Variants in NAMPT observed in about 807,000 individuals in gnomAD.
The protein encoded by NAMPT is NAmPRTase.
Under a neutral mutation model 58.7 loss-of-function variants are expected in NAMPT, and 7 were observed. That is an observed-to-expected ratio of 0.12 (90% confidence interval 0.07 to 0.22). The LOEUF (loss-of-function observed/expected upper bound fraction) is 0.22, where lower values mean the gene tolerates loss of function less well. NAMPT is among the 10% of genes least tolerant of loss of function. The pLI is 1.00. For synonymous variants in NAMPT, 145 were observed against 198.1 expected, an observed-to-expected ratio of 0.73 and a Z score of 2.25; for missense variants, 271 against 567.9, an observed-to-expected ratio of 0.48 and a Z score of 5.31.
intron 4 of NAMPT, among the ~76,000 whole-genome samples, chr7:106,271,172 C>T (rs908975160): frequency 1.3e-5 from 2 of 152,058 alleles, no homozygotes; most frequent in South Asian, 2.1e-4. Flanking sequence ...GGAGCTGATT[C>T]ATACAGAATT....
intron 4 of NAMPT, among the ~76,000 whole-genome samples, chr7:106,271,229 T>G (rs1054797890): frequency 5.9e-5 from 9 of 152,196 alleles, no homozygotes; most frequent in Admixed American, 2.0e-4. Context: ...CTTATACATT[T>G]TTCACTTTTA....
In NAMPT at chr7:106,249,038, A is replaced by G. The variant is rs758140406; in HGVS notation, c.*2045T>C. On this transcript the variant is annotated 3_prime_UTR_variant, in exon 11 of 11. Transcript: ENST00000222553. ...GAATACTGTCTGTACTATAATTTCA[A>G]TGTTTAAACACAAAATTATGGGTGA... The G allele has an allele frequency of 6.6e-6, 1 of 152,114 alleles. No individual in the cohort carries two copies. The highest frequency in any genetic ancestry group is 2.4e-5 in the African/African-American group (1 of 41,440). The allele number at this position is 152,114 out of a possible 1,614,324, so 9.4% of individuals were successfully genotyped here. A position where few individuals can be genotyped will look rare whatever the true frequency, so the allele number is the denominator to read the frequency against.
In NAMPT at chr7:106,273,473, A is replaced by T. The variant is rs1348115722; in HGVS notation, c.319-815T>A. Reference sequence around the variant, plus strand: ...TACAAGCACTGGAGGCACAGTGTATAGCAAAAAGAACATTGCCCTACAGGT... The same window carrying T: ...TACAAGCACTGGAGGCACAGTGTATTGCAAAAAGAACATTGCCCTACAGGT... On this transcript the variant is annotated intron_variant, in intron 3 of 10. Coordinates refer to ENST00000222553, the MANE Select transcript of NAMPT (RefSeq NM_005746.3). 2.0e-5 allele frequency among the ~76,000 whole-genome samples: 3 copies of T among 152,366 alleles called. No homozygotes were observed. In the East Asian group the frequency reaches 5.8e-4, roughly 29 times the overall value.
chr7:106,284,176 G>A (rs1433978893), intron 1 of NAMPT, among the ~76,000 whole-genome samples: 1 of 152,200 alleles, frequency 6.6e-6, no homozygotes, highest in African/African-American at 2.4e-5. Flanking sequence ...AGGAGCACGA[G>A]CAATCACTAG....
intron 2 of NAMPT, 95 bp downstream of exon 2, chr7:106,276,925 TGCA>T: frequency 1.1e-6 from 1 of 914,512 alleles, no homozygotes; most frequent in Non-Finnish European, 1.7e-6. Context: ...TATGATTTAA[TGCA>T]TCCAAATTAA....
chr7:106,259,626 C>T (rs1406702220), intron 8 of NAMPT, among the ~76,000 whole-genome samples: 1 of 152,040 alleles, frequency 6.6e-6, no homozygotes, highest in Non-Finnish European at 1.5e-5. Context: ...GGTTTCACCA[C>T]GTTGGCCAGG....
At position 106,254,530 on chromosome 7, in the gene NAMPT, C is replaced by A. The variant is rs200846683; in HGVS notation, c.1090-26G>T. The A allele has an allele frequency of 4.4e-4, 709 of 1,606,710 alleles. 1 individual carries two copies. The highest frequency in any genetic ancestry group is 3.7e-3 in the South Asian group (340 of 90,852). On this transcript the variant is annotated intron_variant, in intron 8 of 10. Coordinates refer to ENST00000222553, the MANE Select transcript of NAMPT (RefSeq NM_005746.3). ...CTAGAAGATTAAAACAAAACAAAAC[C>A]AAACCAAACCTTAATTTGGAAGAGA...
At chr7:106,262,396 C>T (rs1402479829) in intron 7 of NAMPT, among the ~76,000 whole-genome samples, 1 of 152,040 alleles carries the variant, frequency 6.6e-6, no homozygotes, top group Non-Finnish European at 1.5e-5. Context: ...ATTAAAGATT[C>T]TAACAAAGAG....
chr7:106,248,892 G>A lies in NAMPT; in HGVS notation c.*2191C>T, dbSNP rs1257882773. 6.6e-6 allele frequency: 1 copy of A among 152,064 alleles called. No homozygotes were observed. Among genetic ancestry groups the A allele is most frequent in the African/African-American group, 2.4e-5 (1 of 41,436 alleles). The allele number at this position is 152,064 out of a possible 1,614,324, so 9.4% of individuals were successfully genotyped here. A position where few individuals can be genotyped will look rare whatever the true frequency, so the allele number is the denominator to read the frequency against. On this transcript the variant is annotated 3_prime_UTR_variant, in exon 11 of 11. Transcript: ENST00000222553. ...GAATTAATCAGTTCCAAGTGACTAA[G>A]AGCCAATAGAATTAATCTCCATCTC...
intron 8 of NAMPT, among the ~76,000 whole-genome samples, chr7:106,259,612 A>G (rs1252054452): frequency 6.6e-6 from 1 of 151,894 alleles, no homozygotes; most frequent in Non-Finnish European, 1.5e-5. Context: ...TTTAGTAGAG[A>G]CGGGGTTTCA....
At chr7:106,267,288 T>C (rs1792431820) in intron 6 of NAMPT, among the ~76,000 whole-genome samples, 1 of 152,216 alleles carries the variant, frequency 6.6e-6, no homozygotes, top group African/African-American at 2.4e-5. Flanking sequence ...AGTGTATTAT[T>C]TTCATCCTGA....
chr7:106,272,715 T>G (rs1371195962), intron 3 of NAMPT, 57 bp from the exon 4 acceptor site: 1 of 1,587,016 alleles, frequency 6.3e-7, no homozygotes. Flanking sequence ...AATTCCCTGC[T>G]GTTTTACTAA....
intron 3 of NAMPT, among the ~76,000 whole-genome samples, chr7:106,273,207 C>T (rs1449390164): frequency 6.6e-6 from 1 of 152,164 alleles, no homozygotes; most frequent in East Asian, 1.9e-4. Context: ...AACTATGAGA[C>T]AGGCCAAACA....
chr7:106,266,571 C>G (rs929900220), intron 6 of NAMPT, among the ~76,000 whole-genome samples: 3 of 150,574 alleles, frequency 2.0e-5, no homozygotes, highest in Admixed American at 1.3e-4. Context: ...TCAGCTGAAT[C>G]TATTTTCTAC....
chr7:106,267,558 T>C (rs943406000), intron 6 of NAMPT, among the ~76,000 whole-genome samples: 4 of 152,084 alleles, frequency 2.6e-5, no homozygotes, highest in African/African-American at 4.8e-5. Flanking sequence ...AAACCTGATT[T>C]ACGCCGGGCG....
chr7:106,269,389 T>A, intron 4 of NAMPT, 77 bp from the exon 5 acceptor site: 1 of 1,405,584 alleles, frequency 7.1e-7, no homozygotes, highest in Non-Finnish European at 9.7e-7. Context: ...TAGCTTTTTT[T>A]TTTTTTTGGA....
At chr7:106,276,751 A>G (rs2115818244) in intron 2 of NAMPT, 1 of 320,470 alleles carries the variant, frequency 3.1e-6, no homozygotes, top group East Asian at 7.3e-5. Context: ...CAGAGGCAGG[A>G]GAATTGCCTG....
At chr7:106,260,129 G>A (rs538914326) in intron 8 of NAMPT, among the ~76,000 whole-genome samples, 7 of 152,290 alleles carry the variant, frequency 4.6e-5, no homozygotes, top group African/African-American at 1.7e-4. Flanking sequence ...CAAAGCAGAT[G>A]TTGTCTTCTC....
At position 106,257,656 on chromosome 7, in the gene NAMPT, A is replaced by G. The variant is rs553596307; in HGVS notation, c.1090-3152T>C. Among the ~76,000 whole-genome samples the G allele has an allele frequency of 5.9e-5, 9 of 152,038 alleles. No homozygotes were observed. In the South Asian group the frequency reaches 1.5e-3, roughly 25 times the overall value. On this transcript the variant is annotated intron_variant, in intron 8 of 10. Coordinates refer to ENST00000222553, the MANE Select transcript of NAMPT (RefSeq NM_005746.3). The stretch of plus-strand genomic sequence containing the variant: ...AAAAAAAAATCGCACATACATTCCT[A>G]AAGTTTATATAAACAAGGAAAGAAA...
Sources: allele counts gnomAD v4.1 joint callset (sites outside exome capture counted in the v4.1 genomes callset), GRCh38; gene constraint gnomAD v4.1.1; transcripts MANE v1.5; gene names NCBI Gene and HGNC (gene_info 2026-07-23, HGNC 2026-07-21).